Variants in BACH2 observed in about 807,000 individuals in gnomAD.
BACH2 encodes the protein BACH transcriptional regulator 2, also known as transcription regulator protein BACH2.
BACH2 carries 5 observed loss-of-function variants against 61.8 expected under a neutral mutation model. That is an observed-to-expected ratio of 0.08 (90% CI 0.04 to 0.17). The LOEUF (loss-of-function observed/expected upper bound fraction) is 0.17, where lower values mean the gene tolerates loss of function less well. Among genes scored for constraint, BACH2 ranks in the 10% least tolerant of loss-of-function variants. The pLI is 1.00. For missense variants in BACH2, 824 were observed against 1,091.1 expected, an observed-to-expected ratio of 0.76 and a Z score of 3.45; for synonymous variants, 446 against 440.1, an observed-to-expected ratio of 1.01 and a Z score of -0.17.
At chr6:90,080,739 T>C (rs1296894687) in intron 5 of BACH2, 18 of 984,462 alleles carry the variant, frequency 1.8e-5, no homozygotes, top group Non-Finnish European at 2.2e-5. Context: ...GCGTCAACCC[T>C]GAGAAAGGCA....
Position 90,008,998 on chromosome 6 carries a change from C to A in BACH2, c.-12-142G>T. 9.9e-7 allele frequency: 1 copy of A among 1,005,202 alleles called. No homozygotes were observed. Among genetic ancestry groups the A allele is most frequent in the Non-Finnish European group, 1.4e-6 (1 of 702,898 alleles). The allele number at this position is 1,005,202 out of a possible 1,614,324, so 62.3% of individuals were successfully genotyped here. ...GCATGGCAGGAAGGAGGGGAATTAC[C>A]AATCAGCATATTTGTGCTTACTCTG... On this transcript the variant is annotated intron_variant, in intron 5 of 8. Transcript: ENST00000257749. This position sits in a 1 kb window ranked among gnomAD's most constrained non-coding sequence, Gnocchi z 4.1.
At chr6:90,148,342 T>C (rs942409389) in intron 4 of BACH2, among the ~76,000 whole-genome samples, 3 of 152,230 alleles carry the variant, frequency 2.0e-5, no homozygotes, top group African/African-American at 7.2e-5. Context: ...AGGTCCATCC[T>C]TTCAGCTGGG....
intron 2 of BACH2, among the ~76,000 whole-genome samples, chr6:90,269,263 G>T (rs1771445300): frequency 6.6e-6 from 1 of 152,040 alleles, no homozygotes; most frequent in African/African-American, 2.4e-5. Flanking sequence ...GGGTGGGAAG[G>T]GAAGGGAGAG....
chr6:90,220,948 A>T (rs1166908513), intron 3 of BACH2, among the ~76,000 whole-genome samples: 1 of 152,190 alleles, frequency 6.6e-6, no homozygotes, highest in Non-Finnish European at 1.5e-5. Context: ...CAGCTCAATT[A>T]TACAAGGATC....
In BACH2 at chr6:90,114,857, T is replaced by C. The variant is rs369111540; in HGVS notation, c.-161-25748A>G. On this transcript the variant is annotated intron_variant, in intron 4 of 8. Transcript: ENST00000257749. The stretch of plus-strand genomic sequence containing the variant: ...ATCAAGGTACAAAAATCACTAGCAT[T>C]CCTATACACCAACAATAACCAAACT... Among the ~76,000 whole-genome samples, 8 of 151,976 alleles carry C rather than the reference T, an allele frequency of 5.3e-5. 1 individual carries two copies. The East Asian group carries it at 7.7e-4, about 15-fold the overall frequency.
Position 90,240,845 on chromosome 6 carries a change from A to G in BACH2, c.-275+11668T>C, listed in dbSNP as rs547124750. On this transcript the variant is annotated intron_variant, in intron 3 of 8. Coordinates refer to ENST00000257749, the MANE Select transcript of BACH2 (RefSeq NM_021813.4). The stretch of plus-strand genomic sequence containing the variant: ...TACTGCCTCCAGCCAAACATTATTA[A>G]GAAGCTAAATCTGCTAACTTCCATT... 5.9e-5 allele frequency among the ~76,000 whole-genome samples: 9 copies of G among 152,332 alleles called. No homozygotes were observed. The East Asian group carries it at 1.7e-3, about 29-fold the overall frequency.
Position 89,951,340 on chromosome 6 carries a change from T to C in BACH2, c.766A>G (p.Thr256Ala), listed in dbSNP as rs760377127. The part of the protein sequence containing the change: ...SSHSTSGFAS[T>A]FREDNSSNSL... ...TTGCTAGAGTTATCTTCCCGGAATG[T>C]GCTTGCAAAACCTGAGGTACTGTGT... is the stretch of plus-strand genomic sequence containing the variant. Residue 256 changes from threonine (T) to alanine (A), a missense_variant, in exon 7 of 9, where the codon ACA (threonine) becomes GCA (alanine). Coordinates refer to ENST00000257749, the MANE Select transcript of BACH2 (RefSeq NM_021813.4). The surrounding 1 kb of genome is among the most constrained non-coding windows in gnomAD (Gnocchi z 6.4). The C allele has an allele frequency of 2.5e-6, 4 of 1,614,234 alleles. No individual in the cohort carries two copies. The highest frequency in any genetic ancestry group is 1.1e-5 in the South Asian group (1 of 91,092).
chr6:90,110,829 C>A (rs1311006754), intron 4 of BACH2, among the ~76,000 whole-genome samples: 1 of 152,138 alleles, frequency 6.6e-6, no homozygotes, highest in Non-Finnish European at 1.5e-5. Context: ...ACGGGTTTTT[C>A]CTGGAGATAA....
chr6:90,005,257 T>C (rs1321444213), intron 6 of BACH2, among the ~76,000 whole-genome samples: 2 of 152,086 alleles, frequency 1.3e-5, no homozygotes, highest in African/African-American at 4.8e-5. Context: ...TAGGAGGAAC[T>C]CTCAGGCCTG....
At chr6:90,051,106 G>T (rs1780025063) in intron 5 of BACH2, among the ~76,000 whole-genome samples, 1 of 152,014 alleles carries the variant, frequency 6.6e-6, no homozygotes, top group South Asian at 2.1e-4. Context: ...CCAAAATTTT[G>T]AGAACAATTG....
chr6:89,970,275 G>T (rs1397544468), intron 6 of BACH2, among the ~76,000 whole-genome samples: 1 of 152,222 alleles, frequency 6.6e-6, no homozygotes, highest in Non-Finnish European at 1.5e-5. Context: ...CCTGTTCCCA[G>T]TTCTGTGCCC....
At chr6:89,992,495 C>T (rs184715249) in intron 6 of BACH2, among the ~76,000 whole-genome samples, 3 of 152,296 alleles carry the variant, frequency 2.0e-5, no homozygotes, top group Admixed American at 6.5e-5. Context: ...ACAAAATTAG[C>T]TGGGCGTGGT....
At chr6:90,104,596 C>A (rs1782818327) in intron 4 of BACH2, among the ~76,000 whole-genome samples, 1 of 152,264 alleles carries the variant, frequency 6.6e-6, no homozygotes, top group Admixed American at 6.5e-5. Flanking sequence ...GCCTTATGAT[C>A]TCTCCCTTAA....
chr6:89,942,316 G>C (rs1773482941), intron 7 of BACH2, among the ~76,000 whole-genome samples: 1 of 152,206 alleles, frequency 6.6e-6, no homozygotes, highest in Non-Finnish European at 1.5e-5. Flanking sequence ...TGGAGGACAT[G>C]CCTCTCCCAG....
intron 4 of BACH2, among the ~76,000 whole-genome samples, chr6:90,100,197 T>C (rs1243337910): frequency 6.6e-6 from 1 of 152,264 alleles, no homozygotes; most frequent in Non-Finnish European, 1.5e-5. Flanking sequence ...ATATTTGGAT[T>C]GTTTCCACAT....
rs74447402 is a variant in BACH2 at position 89,933,380 on chromosome 6, A to G, written c.2044-490T>C. On this transcript the variant is annotated intron_variant, in intron 8 of 8. Coordinates refer to ENST00000257749, the MANE Select transcript of BACH2 (RefSeq NM_021813.4). Reference sequence around the variant, plus strand: ...AAAAAGATCTGTGGTTGTTAGGGGTAAAAGGGGTTGAACAGGTGGAGCACA... The same window carrying G: ...AAAAAGATCTGTGGTTGTTAGGGGTGAAAGGGGTTGAACAGGTGGAGCACA... Among the ~76,000 whole-genome samples, 511 of 152,292 alleles carry G rather than the reference A, an allele frequency of 3.4e-3. 2 individuals are homozygous for G. The highest frequency in any genetic ancestry group is 0.012 in the African/African-American group (503 of 41,556).
At chr6:90,130,710 A>C (rs1784049216) in intron 4 of BACH2, among the ~76,000 whole-genome samples, 1 of 152,188 alleles carries the variant, frequency 6.6e-6, no homozygotes, top group Non-Finnish European at 1.5e-5. Flanking sequence ...CTGCTTCACC[A>C]TGGGACAATA....
intron 3 of BACH2, among the ~76,000 whole-genome samples, chr6:90,220,238 G>A (rs981117776): frequency 6.6e-6 from 1 of 152,192 alleles, no homozygotes; most frequent in East Asian, 1.9e-4. Flanking sequence ...GAAGGAAGAT[G>A]TATTTGATAT....
At chr6:90,223,068 C>T (rs1233256776) in intron 3 of BACH2, among the ~76,000 whole-genome samples, 1 of 152,236 alleles carries the variant, frequency 6.6e-6, no homozygotes, top group Non-Finnish European at 1.5e-5. Flanking sequence ...CCCACTTCCC[C>T]TTCCTTGTCC....
Sources: allele counts gnomAD v4.1 joint callset (sites outside exome capture counted in the v4.1 genomes callset), GRCh38; gene constraint gnomAD v4.1.1; non-coding constraint Gnocchi (gnomAD v3.1); transcripts MANE v1.5; gene names NCBI Gene and HGNC (gene_info 2026-07-23, HGNC 2026-07-21).